Variants in PFKL observed in about 807,000 individuals in gnomAD.
PFKL encodes ATP-dependent 6-phosphofructokinase, liver type.
In PFKL, 74 loss-of-function variants were observed where a neutral mutation model predicts 92.1. The ratio of observed to expected loss-of-function variants is 0.80; its 90% CI spans 0.67 to 0.97. PFKL has a LOEUF of 0.97. PFKL is among the 50% of genes least tolerant of loss of function. The pLI is 0.00. For synonymous variants in PFKL, 494 were observed against 456.4 expected (o/e 1.08, Z -1.05); for missense variants, 1,028 against 1,116.6 (o/e 0.92, Z 1.13).
At chr21:44,311,345 GAC>G (rs928215425) in intron 3 of PFKL, among the ~76,000 whole-genome samples, 5 of 150,000 alleles carry the variant, frequency 3.3e-5, no homozygotes, top group Non-Finnish European at 5.9e-5. Context: ...CACACATACA[GAC>G]ACACAGACGT....
intron 7 of PFKL, 37 bp downstream of exon 7, chr21:44,314,058 C>T (rs373803423): frequency 7.0e-7 from 1 of 1,433,864 alleles, no homozygotes; most frequent in Non-Finnish European, 9.7e-7. Context: ...CCGCAGGTGT[C>T]CTGGTGCACT....
chr21:44,324,823 C>A (rs774545202), intron 17 of PFKL, 33 bp from the exon 18 acceptor site: 3 of 1,599,084 alleles, frequency 1.9e-6, no homozygotes, highest in Admixed American at 1.7e-5. Context: ...TCCCCACAGT[C>A]CTCCGGCTCA....
chr21:44,326,881 C>A lies in PFKL; in HGVS notation c.*19C>A. ...CTTCTGAGGCCAGCCATGCCCACGCCCCTCCCCAGCCCCCACCCATGCCAG... is the reference window on the plus strand; with the variant it reads ...CTTCTGAGGCCAGCCATGCCCACGCACCTCCCCAGCCCCCACCCATGCCAG... On this transcript the variant is annotated 3_prime_UTR_variant, in exon 22 of 22. Transcript: ENST00000349048. 1.3e-6 allele frequency: 2 copies of A among 1,588,776 alleles called. No homozygotes were observed. The highest frequency in any genetic ancestry group is 1.7e-6 in the Non-Finnish European group (2 of 1,166,566).
chr21:44,323,006 G>C lies in PFKL; in HGVS notation c.1454G>C (p.Arg485Pro), dbSNP rs148438309. Residue 485 changes from arginine (R) to proline (P), a missense_variant, in exon 15 of 22, where the codon CGC (arginine) becomes CCC (proline). Physicochemically the swap from Arg to Pro is moderately radical, Grantham distance 103 (BLOSUM62 -2). Transcript: ENST00000349048. ...GQLESIVENI[R>P]IYGIHALLVV... is the part of the protein sequence containing the mutation. ...CTGGAGTCCATTGTGGAGAACATCC[G>C]CATCTATGGTATTCACGCCCTGCTG... 1 of 1,613,118 alleles carries C rather than the reference G, an allele frequency of 6.2e-7. No individual in the cohort carries two copies. The highest frequency in any genetic ancestry group is 8.5e-7 in the Non-Finnish European group (1 of 1,179,640).
At chr21:44,311,332 A>G (rs1023763453) in intron 3 of PFKL, among the ~76,000 whole-genome samples, 10 of 146,862 alleles carry the variant, frequency 6.8e-5, no homozygotes, top group African/African-American at 2.7e-4. Flanking sequence ...ACACACAGAC[A>G]TGCACACATA....
intron 14 of PFKL, among the ~76,000 whole-genome samples, chr21:44,322,481 G>A (rs1296032105): frequency 6.6e-6 from 1 of 152,214 alleles, no homozygotes; most frequent in African/African-American, 2.4e-5. Flanking sequence ...GCCAGGCCAG[G>A]CAGCCTGCAC....
At chr21:44,312,547 G>C (rs1253047943) in intron 4 of PFKL, among the ~76,000 whole-genome samples, 1 of 152,218 alleles carries the variant, frequency 6.6e-6, no homozygotes, top group Non-Finnish European at 1.5e-5. Flanking sequence ...GGCCGGTGTT[G>C]CTCACCCTAC....
chr21:44,323,926 G>A lies in PFKL; in HGVS notation c.1650+8G>A. On this transcript the variant is annotated splice_region_variant and intron_variant, in intron 16 of 21. Transcript: ENST00000349048. ...GTAAATGCCGCCATGGAGGTACGGG[G>A]CTCCTGGACACCGGCCTGCCATGCC... 1 of 1,613,102 alleles carries A rather than the reference G, an allele frequency of 6.2e-7. No individual in the cohort carries two copies. Among genetic ancestry groups the A allele is most frequent in the Non-Finnish European group, 8.5e-7 (1 of 1,179,894 alleles).
At chr21:44,316,714 C>G (rs1219491355) in intron 9 of PFKL, among the ~76,000 whole-genome samples, 190 bp downstream of exon 9, 3 of 151,578 alleles carry the variant, frequency 2.0e-5, no homozygotes, top group Non-Finnish European at 4.4e-5. Context: ...CTGTGTGTGT[C>G]TGGTCCGTGT....
Position 44,300,179 on chromosome 21 carries a change from G to A in PFKL, c.74G>A (p.Gly25Asp). 3.5e-6 allele frequency: 4 copies of A among 1,152,472 alleles called. No homozygotes were observed. The South Asian group carries it at 6.8e-5, about 19-fold the overall frequency. 71.4% of individuals were successfully genotyped at this position (1,152,472 alleles called of 1,614,324 possible). Residue 25 changes from glycine to aspartate, a missense_variant, in exon 1 of 22, where the codon GGC becomes GAC. Physicochemically the swap from Gly to Asp is moderately conservative, Grantham distance 94. Coordinates refer to ENST00000349048, the MANE Select transcript of PFKL (RefSeq NM_002626.6). The stretch of plus-strand genomic sequence containing the variant: ...GCCATCGGCGTCCTGACCAGCGGCG[G>A]CGACGCGCAAGGTGGGCGGGGGTCC... The part of the protein sequence containing the change: ...GKAIGVLTSG[G>D]DAQGMNAAVR...
chr21:44,310,957 G>T (rs573735217), intron 2 of PFKL, 49 bp from the exon 3 acceptor site: 2 of 1,431,452 alleles, frequency 1.4e-6, no homozygotes, highest in Non-Finnish European at 2.0e-6. Flanking sequence ...ACTTGCTGCC[G>T]GCCGCCATGG....
At chr21:44,318,889 T>G (rs540382202) in intron 10 of PFKL, among the ~76,000 whole-genome samples, 32 of 150,988 alleles carry the variant, frequency 2.1e-4, no homozygotes, top group African/African-American at 7.1e-4. Context: ...GTGGTGGGAG[T>G]TGGGGTTACG....
chr21:44,319,611 C>T (rs969877927), intron 11 of PFKL, 196 bp downstream of exon 11: 16 of 601,460 alleles, frequency 2.7e-5, no homozygotes, highest in Middle Eastern at 4.3e-4. Flanking sequence ...AGACCCTGGG[C>T]GGTGGCACGG....
intron 12 of PFKL, chr21:44,320,889 TGCAGGCCGGG>T (rs2047338029): frequency 6.6e-6 from 1 of 152,276 alleles, no homozygotes; most frequent in Admixed American, 6.5e-5. Flanking sequence ...CAGCCGGAGC[TGCAGGCCGGG>T]GCAGACAGCG....
chr21:44,326,298 G>A lies in PFKL; in HGVS notation c.2195+34G>A, dbSNP rs372317042. The A allele has an allele frequency of 4.1e-4, 622 of 1,498,948 alleles. 3 individuals carry two copies. Among genetic ancestry groups the A allele is most frequent in the Non-Finnish European group, 6.0e-5 (65 of 1,086,780 alleles). 92.9% of individuals were successfully genotyped at this position (1,498,948 alleles called of 1,614,324 possible). A position where few individuals can be genotyped will look rare whatever the true frequency, so the allele number is the denominator to read the frequency against. On this transcript the variant is annotated intron_variant, in intron 21 of 21. Transcript: ENST00000349048. The stretch of plus-strand genomic sequence containing the variant: ...CACCAAAGCCTCGTGGAGGCGGGTG[G>A]GGCTGAGGGGTGGCCCAGACCTTCC...
In PFKL at chr21:44,326,073, T is replaced by A. The variant is rs774142475; in HGVS notation, c.2089+13T>A. On this transcript the variant is annotated intron_variant, in intron 20 of 21. Transcript: ENST00000349048. Reference sequence around the variant, plus strand: ...GTTTACCGCAAGGGTAGGTGGTGGGTGCGACCCGAGGCCTCACTTTGCCCT... The same window carrying A: ...GTTTACCGCAAGGGTAGGTGGTGGGAGCGACCCGAGGCCTCACTTTGCCCT... 11 of 1,611,910 alleles carry A rather than the reference T, an allele frequency of 6.8e-6. No individual in the cohort carries two copies. The highest frequency in any genetic ancestry group is 2.7e-5 in the African/African-American group (2 of 74,918).
chr21:44,319,185 C>G (rs1031131474), intron 10 of PFKL, among the ~76,000 whole-genome samples, 166 bp from the exon 11 acceptor site: 1 of 152,148 alleles, frequency 6.6e-6, no homozygotes, highest in African/African-American at 2.4e-5. Flanking sequence ...CCCAGAAGAG[C>G]TGGCCTTGGT....
chr21:44,320,306 C>T (rs933382516), intron 12 of PFKL, 159 bp downstream of exon 12: 2 of 556,546 alleles, frequency 3.6e-6, no homozygotes, highest in Non-Finnish European at 6.3e-6. Flanking sequence ...TGCCTGGGCT[C>T]AGGCACCACT....
In PFKL at chr21:44,326,963, G is replaced by A. The variant is rs1212470717; in HGVS notation, c.*101G>A. The A allele has an allele frequency of 1.8e-6, 2 of 1,135,870 alleles. No individual in the cohort carries two copies. The highest frequency in any genetic ancestry group is 2.1e-5 in the Admixed American group (1 of 48,166). The allele number at this position is 1,135,870 out of a possible 1,614,324, so 70.4% of individuals were successfully genotyped here. A position where few individuals can be genotyped will look rare whatever the true frequency, so the allele number is the denominator to read the frequency against. ...TGTTGTGTCTGGAGCCTGCAGGCAG[G>A]TGGGGGCTGCGTCCCTGCTCAGCCC... On this transcript the variant is annotated 3_prime_UTR_variant, in exon 22 of 22. Transcript: ENST00000349048.
Sources: allele counts gnomAD v4.1 joint callset (sites outside exome capture counted in the v4.1 genomes callset), GRCh38; gene constraint gnomAD v4.1.1; transcripts MANE v1.5; gene names NCBI Gene and HGNC (gene_info 2026-07-23, HGNC 2026-07-21).